The following ACAD8 variants were observed in gnomAD, a reference collection of about 807,000 sequenced individuals.
ACAD8 encodes the protein isobutyryl-CoA dehydrogenase, mitochondrial.
A neutral mutation model predicts 53.1 loss-of-function variants in ACAD8; 47 were observed. The ratio of observed to expected loss-of-function variants is 0.89; its 90% CI spans 0.70 to 1.13. The LOEUF (loss-of-function observed/expected upper bound fraction) is 1.13. Ranked by LOEUF, ACAD8 falls within the 50% of genes most tolerant of loss-of-function variation. ACAD8 has a pLI of 0.00. For synonymous variants in ACAD8, 198 were observed against 201.3 expected (o/e 0.98, Z 0.14); for missense variants, 494 against 535.0 (o/e 0.92, Z 0.76).
At chr11:134,258,774 T>G in intron 4 of ACAD8, 150 bp downstream of exon 4, 1 of 751,818 alleles carries the variant, frequency 1.3e-6, no homozygotes, top group Non-Finnish European at 2.3e-6. Context: ...TGTGACCTGA[T>G]GTCACAAGGA....
chr11:134,263,840 T>C lies in ACAD8; in HGVS notation c.1196-1068T>C, dbSNP rs1419064137. 6.1e-6 allele frequency: 6 copies of C among 985,344 alleles called. No individual in the cohort carries two copies. The African/African-American group carries it at 8.7e-5, about 14-fold the overall frequency. The allele number at this position is 985,344 out of a possible 1,614,324, so 61.0% of individuals were successfully genotyped here. ...CACTTTGTTTCATCATGGACTTTACTGTTGGATAAATCTACAGTTTATGCT... is the reference window on the plus strand; with the variant it reads ...CACTTTGTTTCATCATGGACTTTACCGTTGGATAAATCTACAGTTTATGCT... On this transcript the variant is annotated intron_variant, in intron 10 of 10. Transcript: ENST00000281182.
chr11:134,264,935 T>C lies in ACAD8; in HGVS notation c.1223T>C (p.Ile408Thr), dbSNP rs1450232519. The change falls in exon 11 of 11, where the codon ATC (isoleucine) becomes ACC (threonine). Residue 408 changes from isoleucine to threonine, a missense_variant. Coordinates refer to ENST00000281182, the MANE Select transcript of ACAD8 (RefSeq NM_014384.3). ...EGSNEVMRILISRSLLQE is the reference protein window; with the variant it reads ...EGSNEVMRILTSRSLLQE Reference sequence around the variant, plus strand: ...AGCAATGAAGTGATGAGGATACTGATCTCTAGAAGCCTGCTTCAGGAGTAG... The same window carrying C: ...AGCAATGAAGTGATGAGGATACTGACCTCTAGAAGCCTGCTTCAGGAGTAG... 4 of 1,614,104 alleles carry C rather than the reference T, an allele frequency of 2.5e-6. No homozygotes were observed. Among genetic ancestry groups the C allele is most frequent in the African/African-American group, 2.7e-5 (2 of 74,938 alleles).
chr11:134,261,134 T>A lies in ACAD8; in HGVS notation c.796T>A (p.Phe266Ile). The A allele has an allele frequency of 6.2e-7, 1 of 1,612,412 alleles. No individual in the cohort carries two copies. The highest frequency in any genetic ancestry group is 1.3e-5 in the African/African-American group (1 of 75,058). The change falls in exon 7 of 11, where the codon TTC (phenylalanine) becomes ATC (isoleucine). Residue 266 changes from phenylalanine to isoleucine, a missense_variant. Transcript: ENST00000281182. This position sits in a 1 kb window ranked among gnomAD's most constrained non-coding sequence, Gnocchi z 4.2. ...ANRIGSEGQG[F>I]LIAVRGLNGG... is the part of the protein sequence containing the mutation. Reference sequence around the variant, plus strand: ...CAGAATTGGGAGCGAGGGGCAGGGCTTCCTCATTGCCGTGAGAGGACTGAA... The same window carrying A: ...CAGAATTGGGAGCGAGGGGCAGGGCATCCTCATTGCCGTGAGAGGACTGAA...
chr11:134,260,918 A>T lies in ACAD8; in HGVS notation c.706-126A>T. 3.5e-6 allele frequency: 4 copies of T among 1,137,020 alleles called. No homozygotes were observed. In the Admixed American group the frequency reaches 6.1e-5, roughly 17 times the overall value. The allele number at this position is 1,137,020 out of a possible 1,614,324, so 70.4% of individuals were successfully genotyped here. On this transcript the variant is annotated intron_variant, in intron 6 of 10. Coordinates refer to ENST00000281182, the MANE Select transcript of ACAD8 (RefSeq NM_014384.3). ...AAACCTGAACTTTTTCTTTTTCCTC[A>T]TTTTAAGTTCTTGTGGGTCTAAGTC...
intron 2 of ACAD8, 139 bp from the exon 3 acceptor site, chr11:134,256,949 C>G (rs1158353459): frequency 1.1e-6 from 1 of 941,474 alleles, no homozygotes; most frequent in East Asian, 2.5e-5. Flanking sequence ...CTGATAACCA[C>G]TGTAAGATGA....
chr11:134,253,717 T>C lies in ACAD8; in HGVS notation c.109+8T>C. 1 of 1,587,806 alleles carries C rather than the reference T, an allele frequency of 6.3e-7. No homozygotes were observed. Among genetic ancestry groups the C allele is most frequent in the Non-Finnish European group, 8.6e-7 (1 of 1,168,208 alleles). The stretch of plus-strand genomic sequence containing the variant: ...TGACCTCCTGCATCGACCGTAAGGA[T>C]CTCCTGGCGGGCAGTAGGACAGGTG... On this transcript the variant is annotated splice_region_variant and intron_variant, in intron 1 of 10. Coordinates refer to ENST00000281182, the MANE Select transcript of ACAD8 (RefSeq NM_014384.3).
chr11:134,262,660 C>CG, intron 10 of ACAD8, 38 bp downstream of exon 10: 1 of 1,585,490 alleles, frequency 6.3e-7, no homozygotes, highest in Non-Finnish European at 8.6e-7. Context: ...CCCTTCAGAA[C>CG]GGGGGCGGGA....
At chr11:134,259,892 C>T in intron 6 of ACAD8, 147 bp downstream of exon 6, 2 of 1,490,992 alleles carry the variant, frequency 1.3e-6, no homozygotes, top group South Asian at 1.2e-5. Flanking sequence ...TCAACAGGAG[C>T]ATATGAAATA....
At chr11:134,262,134 G>A (rs769638299) in intron 9 of ACAD8, 14 of 672,574 alleles carry the variant, frequency 2.1e-5, no homozygotes, top group Middle Eastern at 2.3e-4. Flanking sequence ...TGTTCTAGGC[G>A]AGAAACCACC....
At position 134,262,325 on chromosome 11, in the gene ACAD8, A is replaced by C. The variant is rs775178893; in HGVS notation, c.1093-195A>C. 2.8e-5 allele frequency: 19 copies of C among 668,214 alleles called. 1 individual carries two copies. Among genetic ancestry groups the C allele is most frequent in the Non-Finnish European group, 4.1e-5 (15 of 364,788 alleles). The allele number at this position is 668,214 out of a possible 1,614,324, so 41.4% of individuals were successfully genotyped here. Reference sequence around the variant, plus strand: ...GCTTTGAGTCGCCTGTCTGGGGGGAACTGACAAGTTTAGTAGGTGAACTTC... The same window carrying C: ...GCTTTGAGTCGCCTGTCTGGGGGGACCTGACAAGTTTAGTAGGTGAACTTC... On this transcript the variant is annotated intron_variant, in intron 9 of 10. Transcript: ENST00000281182.
At chr11:134,256,974 A>T in intron 2 of ACAD8, 114 bp from the exon 3 acceptor site, 1 of 1,117,728 alleles carries the variant, frequency 8.9e-7, no homozygotes. Context: ...CAGGCATATT[A>T]AGAGAATTCA....
chr11:134,264,745 G>T (rs923471266), intron 10 of ACAD8, among the ~76,000 whole-genome samples, 163 bp from the exon 11 acceptor site: 3 of 152,136 alleles, frequency 2.0e-5, no homozygotes, highest in Admixed American at 2.0e-4. Flanking sequence ...TCAGTACTTT[G>T]TAGAGAAGTC....
intron 1 of ACAD8, among the ~76,000 whole-genome samples, chr11:134,254,903 G>A: frequency 6.6e-6 from 1 of 152,178 alleles, no homozygotes; most frequent in East Asian, 1.9e-4. Context: ...ATGAGTGGTG[G>A]TATTTGTTTT....
intron 1 of ACAD8, among the ~76,000 whole-genome samples, chr11:134,253,983 G>A (rs1939303790): frequency 6.7e-6 from 1 of 148,636 alleles, no homozygotes; most frequent in African/African-American, 2.5e-5. Flanking sequence ...TCCTCCTCCG[G>A]CCGGTCACCC....
In ACAD8 at chr11:134,259,646, G is replaced by T. The variant is rs1939758725; in HGVS notation, c.606G>T (p.Val202=). Residue 202 remains valine, a synonymous_variant, in exon 6 of 11, where the codon GTG becomes GTT. Transcript: ENST00000281182. ...ISGAGESDIY[V]VMCRTGGPGP... The stretch of plus-strand genomic sequence containing the variant: ...GTGCTGGTGAGTCAGACATCTATGT[G>T]GTCATGTGCCGAACAGGAGGACCAG... 6.2e-7 allele frequency: 1 copy of T among 1,614,034 alleles called. No individual in the cohort carries two copies. The highest frequency in any genetic ancestry group is 1.1e-5 in the South Asian group (1 of 91,090).
Position 134,262,589 on chromosome 11 carries a change from G to T in ACAD8, c.1162G>T (p.Val388Leu), listed in dbSNP as rs139792723. The T allele has an allele frequency of 6.2e-7, 1 of 1,614,004 alleles. No individual in the cohort carries two copies. Among genetic ancestry groups the T allele is most frequent in the Admixed American group, 1.7e-5 (1 of 60,014 alleles). Residue 388 changes from valine (V) to leucine (L), a missense_variant, in exon 10 of 11, where the codon GTG becomes TTG. Coordinates refer to ENST00000281182, the MANE Select transcript of ACAD8 (RefSeq NM_014384.3). ...GAAGGATTACGCTGTTCAGCAGTACGTGCGGGACTCCAGGGTCCACCAGAT... is the reference window on the plus strand; with the variant it reads ...GAAGGATTACGCTGTTCAGCAGTACTTGCGGGACTCCAGGGTCCACCAGAT... ...YLKDYAVQQYVRDSRVHQILE... is the reference protein window; with the variant it reads ...YLKDYAVQQYLRDSRVHQILE...
Position 134,257,254 on chromosome 11 carries a change from A to G in ACAD8, c.377A>G (p.His126Arg). The G allele has an allele frequency of 6.2e-7, 1 of 1,614,204 alleles. No individual in the cohort carries two copies. Among genetic ancestry groups the G allele is most frequent in the East Asian group, 2.2e-5 (1 of 44,880 alleles). ...CTSTTAYISIHNMCAWMIDSF... is the reference protein window; with the variant it reads ...CTSTTAYISIRNMCAWMIDSF... Reference sequence around the variant, plus strand: ...AGCACCACAGCCTATATAAGCATCCACAAGTGAGTGCCCAAGCTTGGAAGG... The same window carrying G: ...AGCACCACAGCCTATATAAGCATCCGCAAGTGAGTGCCCAAGCTTGGAAGG... The change falls in exon 3 of 11, where the codon CAC (histidine) becomes CGC (arginine). Residue 126 changes from histidine to arginine, a missense_variant. Physicochemically the swap from His to Arg is conservative, Grantham distance 29. Coordinates refer to ENST00000281182, the MANE Select transcript of ACAD8 (RefSeq NM_014384.3).
chr11:134,253,902 C>T (rs1323535762), intron 1 of ACAD8, among the ~76,000 whole-genome samples, 193 bp downstream of exon 1: 2 of 151,448 alleles, frequency 1.3e-5, no homozygotes, highest in African/African-American at 4.9e-5. Context: ...GGTCGGTCAC[C>T]ACCATCCGGG....
intron 9 of ACAD8, 148 bp from the exon 10 acceptor site, chr11:134,262,372 A>T: frequency 3.0e-6 from 2 of 674,306 alleles, no homozygotes; most frequent in Non-Finnish European, 5.4e-6. Flanking sequence ...ACCATACAGA[A>T]TGTGGAGGCC....
Sources: allele counts gnomAD v4.1 joint callset (sites outside exome capture counted in the v4.1 genomes callset), GRCh38; gene constraint gnomAD v4.1.1; non-coding constraint Gnocchi (gnomAD v3.1); transcripts MANE v1.5; gene names NCBI Gene and HGNC (gene_info 2026-07-23, HGNC 2026-07-21).